Variants in MTCL1 observed in about 807,000 individuals in gnomAD.
MTCL1 encodes microtubule crosslinking factor 1.
Under a neutral mutation model 141.4 loss-of-function variants are expected in MTCL1, and 79 were observed. The observed-to-expected ratio is 0.56, with a 90% CI of 0.47 to 0.67. The LOEUF is 0.67. MTCL1 is among the 30% of genes least tolerant of loss of function. The probability of loss-of-function intolerance (pLI) is 0.00; values close to 1 mark genes in which losing one functional copy is unlikely to be tolerated. For missense variants in MTCL1, 2,177 were observed against 2,113.9 expected (o/e 1.03, Z -0.59); for synonymous variants, 914 against 875.8 (o/e 1.04, Z -0.77).
rs1284131581 is a variant in MTCL1, at chr18:8,706,483, G to A, written c.823G>A (p.Ala275Thr). ...CCCAGCGCTCCTCGCCGCGCCCCTC[G>A]CCGCGGGCGCCTGTCCCGGGGGCCG... The change falls in exon 1 of 14, where the codon GCC becomes ACC. Residue 275 changes from alanine to threonine, a missense_variant. Coordinates refer to the MTCL1 transcript ENST00000306329. The A allele has an allele frequency of 8.7e-6, 11 of 1,266,564 alleles. No homozygotes were observed. The East Asian group carries it at 3.5e-4, about 40-fold the overall frequency. 78.5% of individuals were successfully genotyped at this position (1,266,564 alleles called of 1,614,324 possible). A position where few individuals can be genotyped will look rare whatever the true frequency, so the allele number is the denominator to read the frequency against.
chr18:8,771,511 TTTTA>T (rs1433473779), intron 4 of MTCL1, among the ~76,000 whole-genome samples: 4 of 152,292 alleles, frequency 2.6e-5, no homozygotes, highest in South Asian at 2.1e-4. Flanking sequence ...GCATCCTAAT[TTTTA>T]TTTGTCTCCT....
chr18:8,748,706 C>A (rs1479746368), intron 4 of MTCL1, among the ~76,000 whole-genome samples: 1 of 151,780 alleles, frequency 6.6e-6, no homozygotes, highest in East Asian at 1.9e-4. Flanking sequence ...TGTATATATA[C>A]ATATATATTT....
chr18:8,821,471 A>G, exon 14 of MTCL1: 1 of 1,443,572 alleles, frequency 6.9e-7, no homozygotes, highest in Non-Finnish European at 9.6e-7. Flanking sequence ...TTATAGGAAG[A>G]AGAAAATCAC....
At chr18:8,758,982 G>A (rs114501213) in intron 4 of MTCL1, among the ~76,000 whole-genome samples, 1,721 of 152,292 alleles carry the variant, frequency 0.011, 38 homozygotes, top group African/African-American at 0.035. Flanking sequence ...TCAGTCCAAG[G>A]TAGTGACAGT....
intron 12 of MTCL1, among the ~76,000 whole-genome samples, chr18:8,817,710 G>A (rs929206678): frequency 3.9e-5 from 6 of 152,302 alleles, no homozygotes; most frequent in Non-Finnish European, 7.3e-5. Flanking sequence ...AGCACTTGAG[G>A]ACTTCAAATC....
intron 4 of MTCL1, among the ~76,000 whole-genome samples, chr18:8,756,312 T>C (rs1386504342): frequency 6.6e-6 from 1 of 151,810 alleles, no homozygotes; most frequent in African/African-American, 2.4e-5. Flanking sequence ...AGTGTGTGTG[T>C]GTATGTATGT....
Position 8,798,294 on chromosome 18 carries a change from G to A in MTCL1, c.2436+3G>A. 1.3e-6 allele frequency: 2 copies of A among 1,520,434 alleles called. No homozygotes were observed. Among genetic ancestry groups the A allele is most frequent in the Non-Finnish European group, 1.8e-6 (2 of 1,134,566 alleles). The allele number at this position is 1,520,434 out of a possible 1,614,324, so 94.2% of individuals were successfully genotyped here. ...ACAGGGGACAGCCCCACAAACAGGTGGGTACCTCGACCCGAGCCTGTCGCC... is the reference window on the plus strand; with the variant it reads ...ACAGGGGACAGCCCCACAAACAGGTAGGTACCTCGACCCGAGCCTGTCGCC... On this transcript the variant is annotated splice_donor_region_variant and intron_variant, in intron 10 of 16. Coordinates refer to ENST00000359865, the Ensembl canonical transcript of MTCL1.
In MTCL1 at chr18:8,784,316, C is replaced by T. The variant is rs149027252; in HGVS notation, c.1204C>T (p.Arg402Cys). The T allele has an allele frequency of 8.0e-5, 125 of 1,563,604 alleles. No homozygotes were observed. Among genetic ancestry groups the T allele is most frequent in the African/African-American group, 2.8e-4 (21 of 73,870 alleles). ...GAAGGAGAGTGATGGGGAGGAGAGC[C>T]GCCTGCCCCAGCCCAAGCGGGAAGG... Residue 402 changes from arginine (R) to cysteine (C), a missense_variant, in exon 6 of 17, where the codon CGC (arginine) becomes TGC (cysteine). Transcript: ENST00000359865.
At chr18:8,805,416 T>C (rs1032521017) in intron 10 of MTCL1, among the ~76,000 whole-genome samples, 8 of 152,238 alleles carry the variant, frequency 5.3e-5, no homozygotes, top group Admixed American at 4.6e-4. Flanking sequence ...GCTGCAACCA[T>C]GTTGCTGCAG....
At position 8,781,179 on chromosome 18, in the gene MTCL1, C is replaced by CA. The variant is rs56370900; in HGVS notation, c.418-2325dup. 3.4e-3 allele frequency among the ~76,000 whole-genome samples: 232 copies of CA among 67,354 alleles called. 4 individuals carry two copies. Among genetic ancestry groups the CA allele is most frequent in the South Asian group, 7.2e-3 (8 of 1,116 alleles). 44.2% of individuals were successfully genotyped at this position (67,354 alleles called of 152,430 possible). Reference sequence around the variant, plus strand: ...CAGACTCCAGAGCAAGACTCCATCTCAAAAAAAAAAAAAAAAAAAAAAAAA... The same window carrying CA: ...CAGACTCCAGAGCAAGACTCCATCTCAAAAAAAAAAAAAAAAAAAAAAAAAA... On this transcript the variant is annotated intron_variant, in intron 5 of 16. Coordinates refer to ENST00000359865, the Ensembl canonical transcript of MTCL1.
At chr18:8,826,864 G>T (rs2077043376) in intron 15 of MTCL1, among the ~76,000 whole-genome samples, 2 of 152,304 alleles carry the variant, frequency 1.3e-5, no homozygotes, top group South Asian at 4.1e-4. Flanking sequence ...TATTGCCCTT[G>T]ATATTACTCA....
intron 4 of MTCL1, among the ~76,000 whole-genome samples, chr18:8,752,965 C>T (rs1337293678): frequency 1.3e-5 from 2 of 152,092 alleles, no homozygotes; most frequent in African/African-American, 2.4e-5. Context: ...GAGACGTCGC[C>T]GTATCGAACA....
At chr18:8,710,374 A>G (rs1019458191) in intron 1 of MTCL1, among the ~76,000 whole-genome samples, 1 of 152,082 alleles carries the variant, frequency 6.6e-6, no homozygotes, top group Non-Finnish European at 1.5e-5. Flanking sequence ...GATAAACTCA[A>G]ATACATTTGG....
chr18:8,761,463 C>G (rs2096432122), intron 4 of MTCL1, among the ~76,000 whole-genome samples: 1 of 152,222 alleles, frequency 6.6e-6, no homozygotes, highest in Non-Finnish European at 1.5e-5. Context: ...TCATCTCAGA[C>G]AGAAGCTCAT....
intron 7 of MTCL1, among the ~76,000 whole-genome samples, chr18:8,791,786 A>G (rs995831604): frequency 6.6e-6 from 1 of 152,360 alleles, no homozygotes; most frequent in South Asian, 2.1e-4. Flanking sequence ...GTCTCAAACA[A>G]CTAGCAAATC....
At chr18:8,824,257 A>G (rs2076939046) in intron 14 of MTCL1, among the ~76,000 whole-genome samples, 1 of 152,220 alleles carries the variant, frequency 6.6e-6, no homozygotes, top group East Asian at 1.9e-4. Flanking sequence ...AAGTGCTAAC[A>G]CATGGAAGAA....
chr18:8,809,822 C>A lies in MTCL1; in HGVS notation c.2604+2762C>A. On this transcript the variant is annotated intron_variant, in intron 11 of 16. Transcript: ENST00000359865. ...GTTGGATTTGAGGTGTGTGTCATCA[C>A]AGGCACTGGGACTTGAAAAGGGCTG... 10 of 526,496 alleles carry A rather than the reference C, an allele frequency of 1.9e-5. 1 individual carries two copies. In the South Asian group the frequency reaches 2.3e-4, roughly 12 times the overall value. 32.6% of individuals were successfully genotyped at this position (526,496 alleles called of 1,614,324 possible). A position where few individuals can be genotyped will look rare whatever the true frequency, so the allele number is the denominator to read the frequency against.
At position 8,784,334 on chromosome 18, in the gene MTCL1, C is replaced by T. The variant is rs200169088; in HGVS notation, c.1222C>T (p.Arg408Trp). The change falls in exon 6 of 17, where the codon CGG becomes TGG. Residue 408 changes from arginine to tryptophan, a missense_variant. Coordinates refer to ENST00000359865, the Ensembl canonical transcript of MTCL1. ...GGAGAGCCGCCTGCCCCAGCCCAAG[C>T]GGGAAGGGCCTGTTGGCGGGGAGAG... is the stretch of plus-strand genomic sequence containing the variant. 23 of 1,548,044 alleles carry T rather than the reference C, an allele frequency of 1.5e-5. No homozygotes were observed. The highest frequency in any genetic ancestry group is 2.5e-5 in the South Asian group (2 of 80,222).
chr18:8,818,830 A>C, intron 12 of MTCL1, 133 bp from the exon 12 acceptor site: 1 of 922,008 alleles, frequency 1.1e-6, no homozygotes. Flanking sequence ...TCAGAACTTT[A>C]AGAACATTTG....
Sources: gnomAD v4.1 joint callset for allele counts (sites outside exome capture counted in the v4.1 genomes callset) on GRCh38, gnomAD v4.1.1 for gene constraint, MANE v1.5 for transcripts, NCBI Gene and HGNC (gene_info 2026-07-23, HGNC 2026-07-21) for gene names.